Variants in BNC1 observed in about 807,000 individuals in gnomAD.
BNC1 encodes the protein zinc finger protein basonuclin-1.
Under a neutral mutation model 66.5 loss-of-function variants are expected in BNC1, and 8 were observed. That is an observed-to-expected ratio of 0.12 (90% CI 0.07 to 0.22). The LOEUF is 0.22. Ranked by LOEUF, BNC1 falls within the 10% of genes least tolerant of loss-of-function variation. BNC1 has a pLI of 1.00. For missense variants in BNC1, 1,069 were observed against 1,241.3 expected (o/e 0.86, Z 2.09); for synonymous variants, 454 against 452.6 (o/e 1.00, Z -0.04).
intron 1 of BNC1, among the ~76,000 whole-genome samples, chr15:83,274,965 G>C (rs1414144511): frequency 6.6e-6 from 1 of 152,144 alleles, no homozygotes; most frequent in Non-Finnish European, 1.5e-5. Context: ...TTCAGAGTTA[G>C]GTATTATCAT....
rs1490465607 is a variant in BNC1 at position 83,263,046 on chromosome 15, C to T, written c.2205G>A (p.Val735=). ...CKKTFKNACS[V]KIHHKNMHVK... is the part of the protein sequence containing the mutation. ...CATGCATATTCTTGTGATGAATTTT[C>T]ACACTACAAGCATTTTTAAAGGTCT... is the stretch of plus-strand genomic sequence containing the variant. The change falls in exon 4 of 5, where the codon GTG becomes GTA. Residue 735 remains valine (V), a synonymous_variant. Transcript: ENST00000345382. 2 of 1,614,164 alleles carry T rather than the reference C, an allele frequency of 1.2e-6. No homozygotes were observed. The highest frequency in any genetic ancestry group is 1.7e-6 in the Non-Finnish European group (2 of 1,180,036).
chr15:83,284,295 C>G (rs1252286805), intron 1 of BNC1, among the ~76,000 whole-genome samples: 2 of 151,960 alleles, frequency 1.3e-5, no homozygotes, highest in Non-Finnish European at 2.9e-5. Flanking sequence ...CGTTTGCCAG[C>G]TCCGGGACGT....
chr15:83,284,486 C>A, intron 1 of BNC1, 44 bp downstream of exon 1: 1 of 1,162,338 alleles, frequency 8.6e-7, no homozygotes, highest in South Asian at 2.1e-5. Flanking sequence ...CCGCCTGCTC[C>A]GCGCACAGAG....
Position 83,264,639 on chromosome 15 carries a change from G to A in BNC1, c.612C>T (p.Ile204=). The A allele has an allele frequency of 6.2e-7, 1 of 1,614,160 alleles. No individual in the cohort carries two copies. Among genetic ancestry groups the A allele is most frequent in the Non-Finnish European group, 8.5e-7 (1 of 1,180,032 alleles). ...GACTGCAGCTCTCGATGAAAGCCCT[G>A]ATATCTACATTTGCTGTGGAAGGTG... ...IIPPSTANVD[I]RAFIESCSHR... The change falls in exon 4 of 5, where the codon ATC becomes ATT. Residue 204 remains isoleucine, a synonymous_variant. Transcript: ENST00000345382.
chr15:83,263,715 C>A lies in BNC1; in HGVS notation c.1536G>T (p.Pro512=). ...ANTPGILPSL[P]LLSSSIPEQL... is the part of the protein sequence containing the mutation. ...GTTCTGGGATTGAAGAGGACAACAG[C>A]GGGAGGGAAGGGAGTATCCCAGGCG... is the stretch of plus-strand genomic sequence containing the variant. The change falls in exon 4 of 5, where the codon CCG becomes CCT. Residue 512 remains proline (P), a synonymous_variant. Coordinates refer to ENST00000345382, the MANE Select transcript of BNC1 (RefSeq NM_001717.4). The A allele has an allele frequency of 6.2e-7, 1 of 1,614,096 alleles. No homozygotes were observed. The highest frequency in any genetic ancestry group is 2.2e-5 in the East Asian group (1 of 44,882).
At chr15:83,274,866 A>G (rs1433871324) in intron 1 of BNC1, among the ~76,000 whole-genome samples, 2 of 152,154 alleles carry the variant, frequency 1.3e-5, no homozygotes, top group African/African-American at 4.8e-5. Flanking sequence ...GATGGTCTCA[A>G]ATTTGGATAC....
intron 1 of BNC1, among the ~76,000 whole-genome samples, chr15:83,278,464 GT>G (rs2038347925): frequency 6.6e-6 from 1 of 152,130 alleles, no homozygotes; most frequent in South Asian, 2.1e-4. Context: ...CATTCACTGT[GT>G]TAAAATCTAG....
At position 83,257,327 on chromosome 15, in the gene BNC1, C is replaced by T; in HGVS notation, c.*115G>A. On this transcript the variant is annotated 3_prime_UTR_variant, in exon 5 of 5. Coordinates refer to ENST00000345382, the MANE Select transcript of BNC1 (RefSeq NM_001717.4). ...GCTGTGGAAAACTATAAAGTCAAAT[C>T]AAATACTTTTGCCTGACTCGCCCCA... 8.1e-7 allele frequency: 1 copy of T among 1,231,490 alleles called. No individual in the cohort carries two copies. 76.3% of individuals were successfully genotyped at this position (1,231,490 alleles called of 1,614,324 possible).
Position 83,264,237 on chromosome 15 carries a change from G to A in BNC1, c.1014C>T (p.Ser338=). ...TCTCAGGCTTCACTTTGGCCTCAGG[G>A]GATAACTGTGTCCTTTCAAACTTAG... The part of the protein sequence containing the change: ...IVTKFERTQL[S]PEAKVKPERN... Residue 338 remains serine (S), a synonymous_variant, in exon 4 of 5, where the codon TCC becomes TCT. Transcript: ENST00000345382. The A allele has an allele frequency of 6.2e-7, 1 of 1,614,152 alleles. No homozygotes were observed. Among genetic ancestry groups the A allele is most frequent in the Non-Finnish European group, 8.5e-7 (1 of 1,180,034 alleles).
chr15:83,280,138 T>C (rs185227418), intron 1 of BNC1, among the ~76,000 whole-genome samples: 61 of 152,280 alleles, frequency 4.0e-4, no homozygotes, highest in African/African-American at 1.4e-3. Context: ...TGAAAATCTA[T>C]GAAATAGCTG....
At chr15:83,261,286 A>G (rs1333373001) in intron 4 of BNC1, among the ~76,000 whole-genome samples, 1 of 152,180 alleles carries the variant, frequency 6.6e-6, no homozygotes, top group African/African-American at 2.4e-5. Context: ...ATTTAATATA[A>G]ACATTTAACT....
intron 3 of BNC1, among the ~76,000 whole-genome samples, chr15:83,266,279 C>CAT (rs778948961): frequency 1.7e-4 from 26 of 150,992 alleles, no homozygotes; most frequent in Non-Finnish European, 3.2e-4. Flanking sequence ...GGGAGGGAGA[C>CAT]ATACACACAC....
intron 1 of BNC1, among the ~76,000 whole-genome samples, chr15:83,277,817 C>T (rs141699999): frequency 6.6e-6 from 1 of 152,206 alleles, no homozygotes; most frequent in Non-Finnish European, 1.5e-5. Flanking sequence ...GCTAGCCTTC[C>T]TGGTTTAGGA....
At chr15:83,273,741 G>A (rs1300956391) in intron 1 of BNC1, among the ~76,000 whole-genome samples, 4 of 152,052 alleles carry the variant, frequency 2.6e-5, no homozygotes, top group Admixed American at 1.3e-4. Flanking sequence ...TTGGTCTCTC[G>A]GACACCCTGT....
intron 1 of BNC1, among the ~76,000 whole-genome samples, chr15:83,269,184 G>A (rs780316935): frequency 2.6e-5 from 4 of 152,082 alleles, no homozygotes; most frequent in African/African-American, 4.8e-5. Context: ...AGATCACACC[G>A]CTGCACTCCA....
chr15:83,259,326 T>C (rs148442417), intron 4 of BNC1, among the ~76,000 whole-genome samples: 143 of 152,136 alleles, frequency 9.4e-4, no homozygotes, highest in Non-Finnish European at 1.8e-3. Flanking sequence ...CCAATACATA[T>C]CAGAATGTAT....
chr15:83,268,558 A>C (rs181411389), intron 1 of BNC1, among the ~76,000 whole-genome samples: 1 of 152,376 alleles, frequency 6.6e-6, no homozygotes, highest in East Asian at 1.9e-4. Flanking sequence ...TATTTTCACC[A>C]AATTTCTAAG....
chr15:83,268,474 C>A (rs2038239298), intron 1 of BNC1, among the ~76,000 whole-genome samples: 1 of 152,080 alleles, frequency 6.6e-6, no homozygotes. Flanking sequence ...AACATCAGAA[C>A]TTTTTATAAG....
Position 83,263,759 on chromosome 15 carries a change from G to T in BNC1, c.1492C>A (p.Pro498Thr). 1.9e-6 allele frequency: 3 copies of T among 1,614,196 alleles called. No individual in the cohort carries two copies. The highest frequency in any genetic ancestry group is 1.1e-5 in the South Asian group (1 of 91,084). Residue 498 changes from proline (P) to threonine (T), a missense_variant, in exon 4 of 5, where the codon CCT becomes ACT. Pro to Thr is a conservative substitution (Grantham distance 38). Around this residue, in one of 7 missense-constraint regions of BNC1, gnomAD observed 657 missense variants for 715.8 expected, o/e 0.92. Coordinates refer to ENST00000345382, the MANE Select transcript of BNC1 (RefSeq NM_001717.4). ...CCAGGCGTGTTTGCTACCTCGGCAG[G>T]CGTGGCTGGACTGCGGTAGAAAGGA... ...VLPFYRSPATPAEVANTPGIL... is the reference protein window; with the variant it reads ...VLPFYRSPATTAEVANTPGIL...
Sources: gnomAD v4.1 joint callset for allele counts (sites outside exome capture counted in the v4.1 genomes callset) on GRCh38, gnomAD v4.1.1 for gene constraint, gnomAD v4.1.1 regional missense constraint, MANE v1.5 for transcripts, NCBI Gene and HGNC (gene_info 2026-07-23, HGNC 2026-07-21) for gene names.